MGST1: variants seen among roughly 807,000 people sequenced by gnomAD.
MGST1 encodes the protein glutathione S-transferase 12.
Under a neutral mutation model 8.9 loss-of-function variants are expected in MGST1, and 5 were observed. That is an observed-to-expected ratio of 0.56 (90% CI 0.29 to 1.19). The LOEUF is 1.19. MGST1 is among the 50% of genes most tolerant of loss of function. MGST1 has a pLI of 0.08. For missense variants in MGST1, 182 were observed against 187.4 expected (o/e 0.97, Z 0.17); for synonymous variants, 54 against 67.8 (o/e 0.80, Z 1.00).
intron 1 of MGST1, among the ~76,000 whole-genome samples, chr12:16,435,290 A>C (rs1439382795): frequency 2.0e-5 from 3 of 152,012 alleles, no homozygotes; most frequent in African/African-American, 7.2e-5. Flanking sequence ...GCCCAGGTAC[A>C]CTAATGAATT....
intron 4 of MGST1, among the ~76,000 whole-genome samples, chr12:16,487,134 C>G (rs1186537291): frequency 1.3e-5 from 2 of 152,174 alleles, no homozygotes; most frequent in Admixed American, 1.3e-4. Flanking sequence ...AGGCCACGTA[C>G]TGCTCCTGCC....
At position 16,559,937 on chromosome 12, in the gene MGST1, G is replaced by A. The variant is rs1195823283; in HGVS notation, n.483-29591G>A. Among the ~76,000 whole-genome samples the A allele has an allele frequency of 6.6e-6, 1 of 152,048 alleles. No individual in the cohort carries two copies. The highest frequency in any genetic ancestry group is 1.5e-5 in the Non-Finnish European group (1 of 68,030). On this transcript the variant is annotated intron_variant and non_coding_transcript_variant, in intron 4 of 4. Coordinates refer to the MGST1 transcript ENST00000538857. This position sits in a 1 kb window ranked among gnomAD's most constrained non-coding sequence, Gnocchi z 4.1. ...TTAGTGCCACTGCGCTCTAGGCTGGGTGACAGAACCAGACCTTGTATTTAA... is the reference window on the plus strand; with the variant it reads ...TTAGTGCCACTGCGCTCTAGGCTGGATGACAGAACCAGACCTTGTATTTAA...
At chr12:16,520,517 C>T (rs749320415) in intron 4 of MGST1, among the ~76,000 whole-genome samples, 17 of 152,002 alleles carry the variant, frequency 1.1e-4, no homozygotes, top group African/African-American at 2.2e-4. Context: ...TGTTGGGAGG[C>T]GGCTATGACT....
chr12:16,549,312 T>G (rs1004845034), intron 4 of MGST1: 2 of 152,172 alleles, frequency 1.3e-5, no homozygotes, highest in Admixed American at 6.6e-5. Context: ...TTGAATTTCT[T>G]TCTTTAGTAT....
At chr12:16,431,444 G>A (rs774625352) in intron 1 of MGST1, among the ~76,000 whole-genome samples, 5 of 151,948 alleles carry the variant, frequency 3.3e-5, no homozygotes, top group African/African-American at 4.8e-5. Context: ...TAAAGTGCGA[G>A]ATGTGCAACT....
At chr12:16,400,430 T>C in intron 1 of MGST1, 2 of 809,628 alleles carry the variant, frequency 2.5e-6, no homozygotes, top group East Asian at 2.4e-5. Flanking sequence ...TTTGGGCGAA[T>C]GTATAGATCT....
chr12:16,390,285 A>G (rs1307755894), intron 1 of MGST1, among the ~76,000 whole-genome samples: 1 of 152,242 alleles, frequency 6.6e-6, no homozygotes, highest in Non-Finnish European at 1.5e-5. Context: ...AACACATGCT[A>G]CAAATTATAG....
chr12:16,401,817 A>G lies in MGST1; in HGVS notation n.778+18213A>G, dbSNP rs1565447714. ...CTCATCTGCATCAACTATTTCCATG[A>G]CTCTTTCCTTGAAGAATTTGTTGAA... On this transcript the variant is annotated intron_variant and non_coding_transcript_variant, in intron 1 of 1. Transcript: ENST00000359720. This position sits in a 1 kb window ranked among gnomAD's most constrained non-coding sequence, Gnocchi z 4.3. 6.2e-7 allele frequency: 1 copy of G among 1,604,258 alleles called. No homozygotes were observed. Among genetic ancestry groups the G allele is most frequent in the East Asian group, 2.2e-5 (1 of 44,828 alleles).
At chr12:16,590,175 T>C, downstream of MGST1, among the ~76,000 whole-genome samples, 1 of 152,190 alleles carries the variant, frequency 6.6e-6, no homozygotes, top group South Asian at 2.1e-4. Flanking sequence ...CTGTTATAAA[T>C]AGAAATTAAT....
chr12:16,359,624 G>T (rs1166546318), intron 3 of MGST1, among the ~76,000 whole-genome samples: 1 of 152,182 alleles, frequency 6.6e-6, no homozygotes, highest in Non-Finnish European at 1.5e-5. Context: ...AAAAAAAAGT[G>T]AGTGAAGCTT....
chr12:16,366,893 G>A (rs981797175), downstream of MGST1, among the ~76,000 whole-genome samples: 2 of 152,056 alleles, frequency 1.3e-5, no homozygotes, highest in Non-Finnish European at 2.9e-5. The surrounding 1 kb of genome is among the most constrained non-coding windows in gnomAD (Gnocchi z 4.0). Flanking sequence ...TGGGAGTTTT[G>A]GGGGCAGGGT....
At chr12:16,433,351 A>G (rs2137095757) in intron 1 of MGST1, among the ~76,000 whole-genome samples, 1 of 152,200 alleles carries the variant, frequency 6.6e-6, no homozygotes, top group Non-Finnish European at 1.5e-5. Context: ...AGACACACCC[A>G]GGAATAATAC....
At chr12:16,424,569 A>G (rs1940869116) in intron 1 of MGST1, among the ~76,000 whole-genome samples, 2 of 151,980 alleles carry the variant, frequency 1.3e-5, no homozygotes, top group South Asian at 2.1e-4. Context: ...ACTTCTCCCT[A>G]CTCACTTTCT....
chr12:16,378,099 C>G (rs1346224795), downstream of MGST1, among the ~76,000 whole-genome samples: 2 of 152,054 alleles, frequency 1.3e-5, no homozygotes, highest in Non-Finnish European at 2.9e-5. Flanking sequence ...TGTAGGTTGC[C>G]TGTTCACTCT....
At position 16,527,709 on chromosome 12, in the gene MGST1, G is replaced by A. The variant is rs189684926; in HGVS notation, n.483-61819G>A. 2.8e-3 allele frequency among the ~76,000 whole-genome samples: 423 copies of A among 151,966 alleles called. 2 individuals are homozygous for A. Among genetic ancestry groups the A allele is most frequent in the African/African-American group, 9.8e-3 (405 of 41,458 alleles). ...CCAAACTTCAAGTGTACATCATGGGGAATAATAATAATAAGTCATCAGGAA... is the reference window on the plus strand; with the variant it reads ...CCAAACTTCAAGTGTACATCATGGGAAATAATAATAATAAGTCATCAGGAA... On this transcript the variant is annotated intron_variant and non_coding_transcript_variant, in intron 4 of 4. Coordinates refer to the MGST1 transcript ENST00000538857.
At chr12:16,377,811 T>C (rs1940405075), downstream of MGST1, among the ~76,000 whole-genome samples, 1 of 151,262 alleles carries the variant, frequency 6.6e-6, no homozygotes, top group Non-Finnish European at 1.5e-5. Context: ...GCACCTGTTG[T>C]TTCCTGACTT....
chr12:16,551,024 T>C, intron 4 of MGST1: 1 of 491,156 alleles, frequency 2.0e-6, no homozygotes, highest in Non-Finnish European at 3.7e-6. Flanking sequence ...CTTTTTTCTT[T>C]AATAATAAAC....
chr12:16,495,034 A>G (rs1941461212), intron 4 of MGST1, among the ~76,000 whole-genome samples: 1 of 152,162 alleles, frequency 6.6e-6, no homozygotes, highest in African/African-American at 2.4e-5. Flanking sequence ...AGCTGTATGG[A>G]GTTAGGCAAT....
Position 16,513,203 on chromosome 12 carries a change from T to C in MGST1, n.483-76325T>C, listed in dbSNP as rs1175882899. On this transcript the variant is annotated intron_variant and non_coding_transcript_variant, in intron 4 of 4. Transcript: ENST00000538857. This position sits in a 1 kb window ranked among gnomAD's most constrained non-coding sequence, Gnocchi z 4.2. Reference sequence around the variant, plus strand: ...TTCGATTTCTTCATCTGACTCAGTTTCTGCTTCTTCATGACTTCAGCTTTT... The same window carrying C: ...TTCGATTTCTTCATCTGACTCAGTTCCTGCTTCTTCATGACTTCAGCTTTT... Among the ~76,000 whole-genome samples the C allele has an allele frequency of 1.3e-5, 2 of 152,242 alleles. No homozygotes were observed. The highest frequency in any genetic ancestry group is 4.8e-5 in the African/African-American group (2 of 41,462).
Sources: allele counts gnomAD v4.1 joint callset (sites outside exome capture counted in the v4.1 genomes callset), GRCh38; gene constraint gnomAD v4.1.1; non-coding constraint Gnocchi (gnomAD v3.1); transcripts MANE v1.5; gene names NCBI Gene and HGNC (gene_info 2026-07-23, HGNC 2026-07-21).